Variants in LRRC4C observed in about 807,000 individuals in gnomAD.
LRRC4C encodes leucine-rich repeat-containing protein 4C.
LRRC4C carries 5 observed loss-of-function variants against 33.6 expected under a neutral mutation model. The ratio of observed to expected loss-of-function variants is 0.15; its 90% CI spans 0.08 to 0.31. The LOEUF is 0.31. LRRC4C is among the 10% of genes least tolerant of loss of function. The probability of loss-of-function intolerance (pLI) is 1.00; values close to 1 mark genes in which losing one functional copy is unlikely to be tolerated. For synonymous variants in LRRC4C, 329 were observed against 302.0 expected (o/e 1.09, Z -0.93); for missense variants, 560 against 796.7 (o/e 0.70, Z 3.58).
intron 1 of LRRC4C, among the ~76,000 whole-genome samples, chr11:41,244,650 G>A (rs949567985): frequency 6.6e-6 from 1 of 152,108 alleles, no homozygotes; most frequent in African/African-American, 2.4e-5. Context: ...TATAGATTTG[G>A]CATTTTTAGC....
intron 3 of LRRC4C, among the ~76,000 whole-genome samples, chr11:40,384,006 C>A (rs1949004493): frequency 6.7e-6 from 1 of 149,548 alleles, no homozygotes; most frequent in Admixed American, 6.7e-5. Context: ...AATCCTTTAT[C>A]AGATTTACGG....
chr11:41,077,982 T>G (rs1044231328), intron 1 of LRRC4C, among the ~76,000 whole-genome samples: 1 of 152,142 alleles, frequency 6.6e-6, no homozygotes, highest in African/African-American at 2.4e-5. Context: ...CTCTCTCAAG[T>G]TCAAAGTTCC....
At chr11:40,360,395 G>A (rs1947893137) in intron 3 of LRRC4C, among the ~76,000 whole-genome samples, 1 of 152,134 alleles carries the variant, frequency 6.6e-6, no homozygotes, top group South Asian at 2.1e-4. Context: ...CAAGAGGTCC[G>A]GGAAACTACC....
chr11:40,446,689 G>A (rs762608348), intron 3 of LRRC4C: 2 of 152,150 alleles, frequency 1.3e-5, no homozygotes, highest in Non-Finnish European at 2.9e-5. Flanking sequence ...AAGGCATCAG[G>A]AAACTTAACA....
intron 5 of LRRC4C, among the ~76,000 whole-genome samples, chr11:40,227,453 T>A (rs188975114): frequency 6.6e-6 from 1 of 152,206 alleles, no homozygotes; most frequent in African/African-American, 2.4e-5. Flanking sequence ...AGTTTACCAC[T>A]GACACTCATC....
intron 1 of LRRC4C, among the ~76,000 whole-genome samples, chr11:41,068,146 AT>A (rs1324812617): frequency 6.6e-6 from 1 of 152,178 alleles, no homozygotes; most frequent in Non-Finnish European, 1.5e-5. Context: ...TAGTCCCAGC[AT>A]TTTGGGAGGC....
chr11:40,886,550 C>CT (rs539867380), intron 2 of LRRC4C, among the ~76,000 whole-genome samples: 42 of 147,622 alleles, frequency 2.8e-4, no homozygotes, highest in East Asian at 2.2e-3. Context: ...GGAGTTCTCT[C>CT]TTTTTTTTTT....
At chr11:40,443,277 A>G (rs1325272975) in intron 3 of LRRC4C, among the ~76,000 whole-genome samples, 1 of 152,212 alleles carries the variant, frequency 6.6e-6, no homozygotes, top group South Asian at 2.1e-4. Context: ...AACTGTGATG[A>G]CAAACAAGAT....
At chr11:41,034,638 TGA>T (rs1263729615) in intron 1 of LRRC4C, among the ~76,000 whole-genome samples, 97 of 136,178 alleles carry the variant, frequency 7.1e-4, no homozygotes, top group Admixed American at 2.2e-3. Flanking sequence ...TATATATATA[TGA>T]GGTGAGAGTT....
At chr11:40,320,297 A>G (rs991218788) in intron 3 of LRRC4C, among the ~76,000 whole-genome samples, 17 of 152,120 alleles carry the variant, frequency 1.1e-4, no homozygotes, top group African/African-American at 4.1e-4. Context: ...CGAAGTCAGG[A>G]GATCGAGACC....
At chr11:40,913,692 A>G (rs1372939026) in intron 2 of LRRC4C, among the ~76,000 whole-genome samples, 1 of 152,198 alleles carries the variant, frequency 6.6e-6, no homozygotes, top group African/African-American at 2.4e-5. Context: ...AGAAATAACT[A>G]AGATCAGAGC....
Position 40,924,098 on chromosome 11 carries a change from GTA to G in LRRC4C, c.-407+9535_-407+9536del, listed in dbSNP as rs1226315024. On this transcript the variant is annotated intron_variant, in intron 2 of 6. Transcript: ENST00000528697. ...TGTGTGTGTATATATGTGTGTGTGT[GTA>G]TGTGTGTGTGTGTGTGTGTGTGTAT... 8.5e-3 allele frequency among the ~76,000 whole-genome samples: 1,130 copies of G among 132,252 alleles called. 11 individuals are homozygous for G. Among genetic ancestry groups the G allele is most frequent in the African/African-American group, 0.027 (1,041 of 38,464 alleles). The allele number at this position is 132,252 out of a possible 152,430, so 86.8% of individuals were successfully genotyped here. A position where few individuals can be genotyped will look rare whatever the true frequency, so the allele number is the denominator to read the frequency against.
chr11:40,571,236 T>C (rs1446478538), intron 3 of LRRC4C, among the ~76,000 whole-genome samples: 1 of 152,198 alleles, frequency 6.6e-6, no homozygotes, highest in Non-Finnish European at 1.5e-5. Flanking sequence ...AGCATTCAAC[T>C]AGGGTTCCGT....
At chr11:40,910,270 T>A (rs1379118228) in intron 2 of LRRC4C, among the ~76,000 whole-genome samples, 1 of 152,068 alleles carries the variant, frequency 6.6e-6, no homozygotes, top group South Asian at 2.1e-4. Context: ...AATTCAGCAG[T>A]ATATATTGAG....
At chr11:40,401,604 A>G (rs1205783177) in intron 3 of LRRC4C, among the ~76,000 whole-genome samples, 2 of 152,120 alleles carry the variant, frequency 1.3e-5, no homozygotes, top group African/African-American at 4.8e-5. Flanking sequence ...AACTATCACA[A>G]ATTGGTAGCT....
chr11:40,271,126 C>T (rs1476065734), intron 4 of LRRC4C, among the ~76,000 whole-genome samples: 2 of 152,162 alleles, frequency 1.3e-5, no homozygotes, highest in Non-Finnish European at 2.9e-5. Context: ...ATCAACATTG[C>T]TACCCCCAAT....
chr11:40,200,082 C>A (rs1333806746), intron 5 of LRRC4C, among the ~76,000 whole-genome samples: 1 of 146,806 alleles, frequency 6.8e-6, no homozygotes, highest in Non-Finnish European at 1.5e-5. Context: ...GTGGCTCGTG[C>A]CTGTAATCCC....
chr11:41,024,384 G>GGGAA (rs1443329489), intron 1 of LRRC4C, among the ~76,000 whole-genome samples: 27 of 151,640 alleles, frequency 1.8e-4, no homozygotes, highest in Non-Finnish European at 4.4e-5. Flanking sequence ...TCATACTATA[G>GGGAA]ATATAAAGCT....
At chr11:40,536,199 C>A (rs1250964034) in intron 3 of LRRC4C, among the ~76,000 whole-genome samples, 1 of 149,036 alleles carries the variant, frequency 6.7e-6, no homozygotes, top group Non-Finnish European at 1.5e-5. Context: ...TTTTTTTTTT[C>A]TTTTCTTTTC....
Sources: gnomAD v4.1 joint callset for allele counts (sites outside exome capture counted in the v4.1 genomes callset) on GRCh38, gnomAD v4.1.1 for gene constraint, MANE v1.5 for transcripts, NCBI Gene and HGNC (gene_info 2026-07-23, HGNC 2026-07-21) for gene names.